CD207: variants seen among roughly 807,000 people sequenced by gnomAD.
CD207 encodes CD207 molecule.
Under a neutral mutation model 31.6 loss-of-function variants are expected in CD207, and 28 were observed. The observed-to-expected ratio is 0.89, with a 90% CI of 0.66 to 1.21. The LOEUF (loss-of-function observed/expected upper bound fraction) is 1.21. Ranked by LOEUF, CD207 falls within the 50% of genes most tolerant of loss-of-function variation. CD207 has a pLI of 0.00. For synonymous variants in CD207, 168 were observed against 153.9 expected (o/e 1.09, Z -0.68); for missense variants, 388 against 397.8 (o/e 0.98, Z 0.21).
chr2:70,828,073 C>G (rs543327684), downstream of CD207, among the ~76,000 whole-genome samples: 1 of 152,204 alleles, frequency 6.6e-6, no homozygotes, highest in Admixed American at 6.5e-5. Flanking sequence ...AAGTTCTCAC[C>G]TGTCCCTGGC....
At position 70,830,988 on chromosome 2, in the gene CD207, A is replaced by C; in HGVS notation, c.*62T>G. The stretch of plus-strand genomic sequence containing the variant: ...TCATCCTGGAGTCTGGGGAAGAAAG[A>C]GGCATTTCCTCATGTTTAACAAGCG... On this transcript the variant is annotated 3_prime_UTR_variant, in exon 6 of 6. Transcript: ENST00000410009. 1 of 1,471,396 alleles carries C rather than the reference A, an allele frequency of 6.8e-7. No homozygotes were observed. Among genetic ancestry groups the C allele is most frequent in the East Asian group, 2.3e-5 (1 of 43,648 alleles). 91.1% of individuals were successfully genotyped at this position (1,471,396 alleles called of 1,614,324 possible).
chr2:70,825,251 A>G (rs1677317606), downstream of CD207, among the ~76,000 whole-genome samples: 1 of 152,224 alleles, frequency 6.6e-6, no homozygotes, highest in Non-Finnish European at 1.5e-5. Flanking sequence ...ACAAGGAAAG[A>G]CTGAGAAAAT....
chr2:70,835,052 C>G (rs1677574353), intron 2 of CD207, among the ~76,000 whole-genome samples: 1 of 152,194 alleles, frequency 6.6e-6, no homozygotes. Context: ...TGGCCAGGCT[C>G]TCCATCTGGT....
downstream of CD207, among the ~76,000 whole-genome samples, chr2:70,828,141 G>A (rs1553399129): frequency 6.6e-6 from 1 of 152,204 alleles, no homozygotes; most frequent in African/African-American, 2.4e-5. Context: ...AAATACTGTG[G>A]GGTCCATGAT....
downstream of CD207, among the ~76,000 whole-genome samples, chr2:70,829,742 G>C (rs1237908184): frequency 6.6e-6 from 1 of 152,126 alleles, no homozygotes; most frequent in African/African-American, 2.4e-5. Flanking sequence ...ACAACACACT[G>C]CTGGTTACAG....
the CD207 span, among the ~76,000 whole-genome samples, chr2:70,824,913 A>G: frequency 2.0e-5 from 3 of 152,158 alleles, no homozygotes; most frequent in African/African-American, 7.2e-5. Flanking sequence ...GTAACTTCCT[A>G]CTCTTTCAGT....
chr2:70,828,212 C>G (rs571286803), downstream of CD207, among the ~76,000 whole-genome samples: 2 of 152,190 alleles, frequency 1.3e-5, no homozygotes, highest in Non-Finnish European at 2.9e-5. Context: ...GACTAGAGCA[C>G]TATCAATGGT....
intron 4 of CD207, among the ~76,000 whole-genome samples, chr2:70,832,106 C>T (rs1204062809): frequency 6.6e-6 from 1 of 152,196 alleles, no homozygotes; most frequent in Non-Finnish European, 1.5e-5. Context: ...GAGCACGGAC[C>T]GCAAGAGAAT....
At position 70,835,795 on chromosome 2, in the gene CD207, T is replaced by C; in HGVS notation, c.-19A>G. The C allele has an allele frequency of 1.3e-6, 2 of 1,595,476 alleles. No homozygotes were observed. The highest frequency in any genetic ancestry group is 1.7e-6 in the Non-Finnish European group (2 of 1,167,812). ...CAGTCATCCTGAGTGCTCACCCTTA[T>C]CCTGGGAGCACAGGTGCTTCTGGCT... is the stretch of plus-strand genomic sequence containing the variant. On this transcript the variant is annotated 5_prime_UTR_variant, in exon 1 of 6. Coordinates refer to ENST00000410009, the MANE Select transcript of CD207 (RefSeq NM_015717.5).
At chr2:70,827,537 C>A (rs1380316557), downstream of CD207, among the ~76,000 whole-genome samples, 2 of 152,210 alleles carry the variant, frequency 1.3e-5, no homozygotes. Context: ...CAGGGCCCAG[C>A]CCCAACCAGG....
downstream of CD207, among the ~76,000 whole-genome samples, chr2:70,826,486 C>T (rs879991422): frequency 2.4e-4 from 36 of 152,218 alleles, no homozygotes; most frequent in Non-Finnish European, 3.7e-4. Flanking sequence ...AAGCAATCCT[C>T]CCACCTCAGC....
chr2:70,833,121 C>T (rs1204470537), intron 3 of CD207, 70 bp from the exon 4 acceptor site: 19 of 1,489,142 alleles, frequency 1.3e-5, no homozygotes, highest in Non-Finnish European at 1.7e-5. Context: ...GGTGGGGGCA[C>T]TTGAATGAGG....
downstream of CD207, among the ~76,000 whole-genome samples, chr2:70,829,428 G>GTAAT (rs1209298601): frequency 2.6e-5 from 4 of 152,370 alleles, no homozygotes; most frequent in East Asian, 7.7e-4. Flanking sequence ...AGGCCTTGTA[G>GTAAT]TAATAAAAGG....
the CD207 span, among the ~76,000 whole-genome samples, chr2:70,824,910 C>T: frequency 1.3e-5 from 2 of 152,130 alleles, no homozygotes; most frequent in Non-Finnish European, 2.9e-5. Context: ...AGTGTAACTT[C>T]CTACTCTTTC....
chr2:70,830,973 G>T lies in CD207; in HGVS notation c.*77C>A. The T allele has an allele frequency of 1.5e-6, 2 of 1,371,462 alleles. No individual in the cohort carries two copies. The highest frequency in any genetic ancestry group is 2.3e-5 in the East Asian group (1 of 42,902). The allele number at this position is 1,371,462 out of a possible 1,614,324, so 85.0% of individuals were successfully genotyped here. A position where few individuals can be genotyped will look rare whatever the true frequency, so the allele number is the denominator to read the frequency against. ...AATTAACGTGCAAAGTCATCCTGGA[G>T]TCTGGGGAAGAAAGAGGCATTTCCT... is the stretch of plus-strand genomic sequence containing the variant. On this transcript the variant is annotated 3_prime_UTR_variant, in exon 6 of 6. Coordinates refer to ENST00000410009, the MANE Select transcript of CD207 (RefSeq NM_015717.5).
At chr2:70,835,287 C>G (rs1247220600) in intron 2 of CD207, among the ~76,000 whole-genome samples, 2 of 152,174 alleles carry the variant, frequency 1.3e-5, no homozygotes, top group African/African-American at 4.8e-5. Flanking sequence ...CAATAATCTC[C>G]CAGAAATTGG....
At chr2:70,824,303 G>A in the CD207 span, among the ~76,000 whole-genome samples, 91,168 of 151,090 alleles carry the variant, frequency 0.6, 27,958 homozygotes, top group Middle Eastern at 0.7. Context: ...CTTTTATTCC[G>A]TTCGTCTCCT....
downstream of CD207, among the ~76,000 whole-genome samples, chr2:70,828,835 T>G (rs148988655): frequency 0.015 from 2,349 of 152,176 alleles, 26 homozygotes; most frequent in Non-Finnish European, 0.027. Context: ...CCGGCTAATT[T>G]TTGTATTTTT....
downstream of CD207, among the ~76,000 whole-genome samples, chr2:70,828,080 T>C (rs185580203): frequency 2.9e-3 from 446 of 152,332 alleles, 11 homozygotes; most frequent in Non-Finnish European, 6.8e-4. Context: ...CACCTGTCCC[T>C]GGCTCCCAAC....
Sources: allele counts gnomAD v4.1 joint callset (sites outside exome capture counted in the v4.1 genomes callset), GRCh38; gene constraint gnomAD v4.1.1; transcripts MANE v1.5; gene names NCBI Gene and HGNC (gene_info 2026-07-23, HGNC 2026-07-21).